TLR5: variants seen among roughly 807,000 people sequenced by gnomAD.
TLR5 encodes toll like receptor 5.
For missense variants in TLR5, 944 were observed against 999.8 expected, an observed-to-expected ratio of 0.94 and a Z score of 0.75; for synonymous variants, 373 against 384.4, an observed-to-expected ratio of 0.97 and a Z score of 0.35.
intron 5 of TLR5, among the ~76,000 whole-genome samples, chr1:223,124,969 T>C (rs1377887816): frequency 2.0e-5 from 3 of 152,126 alleles, no homozygotes; most frequent in African/African-American, 7.2e-5. Flanking sequence ...CAGCAACAGA[T>C]GTGGGTGCAT....
intron 3 of TLR5, among the ~76,000 whole-genome samples, chr1:223,136,913 C>A (rs1199847245): frequency 2.0e-5 from 3 of 152,054 alleles, no homozygotes; most frequent in Non-Finnish European, 4.4e-5. Flanking sequence ...ACCTTGAACT[C>A]CCCCGGCTCA....
At chr1:223,140,443 A>C (rs1387794510) in intron 2 of TLR5, among the ~76,000 whole-genome samples, 1 of 151,318 alleles carries the variant, frequency 6.6e-6, no homozygotes, top group Non-Finnish European at 1.5e-5. Context: ...GCTACTTGGG[A>C]GGCTGAGGCA....
At chr1:223,125,346 A>C (rs948877107) in intron 5 of TLR5, among the ~76,000 whole-genome samples, 1 of 152,206 alleles carries the variant, frequency 6.6e-6, no homozygotes. Context: ...TGCAAGGCTG[A>C]GTATGGAGAA....
At chr1:223,113,766 T>G (rs1656491124) in intron 5 of TLR5, among the ~76,000 whole-genome samples, 1 of 152,196 alleles carries the variant, frequency 6.6e-6, no homozygotes, top group African/African-American at 2.4e-5. Context: ...TGCCTTCACT[T>G]AATCCTTATA....
rs1199759341 is a variant in TLR5, at chr1:223,131,750, T to C, written c.-5+725A>G. Reference sequence around the variant, plus strand: ...AGCTAATTTTTGTTGTTGTTGTTGTTGTTTTTGTTTTGTAGAGACAGGGTT... The same window carrying C: ...AGCTAATTTTTGTTGTTGTTGTTGTCGTTTTTGTTTTGTAGAGACAGGGTT... On this transcript the variant is annotated intron_variant, in intron 5 of 5. Coordinates refer to ENST00000642603, the MANE Select transcript of TLR5 (RefSeq NM_003268.6). The surrounding 1 kb of genome is among the most constrained non-coding windows in gnomAD (Gnocchi z 4.2). Among the ~76,000 whole-genome samples, 1 of 151,984 alleles carries C rather than the reference T, an allele frequency of 6.6e-6. No individual in the cohort carries two copies. The highest frequency in any genetic ancestry group is 1.5e-5 in the Non-Finnish European group (1 of 67,994).
At chr1:223,117,142 C>A (rs1243360525) in intron 5 of TLR5, among the ~76,000 whole-genome samples, 2 of 152,232 alleles carry the variant, frequency 1.3e-5, no homozygotes, top group South Asian at 4.1e-4. Context: ...TCGAGTGTGG[C>A]GCCGGCGGGG....
chr1:223,124,896 A>G (rs1259911373), intron 5 of TLR5, among the ~76,000 whole-genome samples: 1 of 151,960 alleles, frequency 6.6e-6, no homozygotes, highest in African/African-American at 2.4e-5. Context: ...GAGCCACCGC[A>G]CTCCGCCAGT....
chr1:223,129,036 C>T (rs1370619861), intron 5 of TLR5: 1 of 152,286 alleles, frequency 6.6e-6, no homozygotes, highest in Admixed American at 6.5e-5. Context: ...TTCTCTGCAC[C>T]ATTCCCTGAA....
chr1:223,112,319 C>T lies in TLR5; in HGVS notation c.713G>A (p.Trp238Ter). The change falls in exon 6 of 6, where the codon TGG (tryptophan) becomes TAG (stop). Residue 238 changes from tryptophan to a stop codon, truncating the protein, a stop_gained. Coordinates refer to ENST00000642603, the MANE Select transcript of TLR5 (RefSeq NM_003268.6). LOFTEE classifies it low-confidence loss of function (END_TRUNC). The stretch of plus-strand genomic sequence containing the variant: ...AAAGTTTCCTGTGATGTCCACTGTC[C>T]AGCCATTTCCAGAAACATCTAGTAT... ...LEILDVSGNG[W>*]TVDITGNFSN... 1.9e-6 allele frequency: 3 copies of T among 1,614,202 alleles called. No individual in the cohort carries two copies. Among genetic ancestry groups the T allele is most frequent in the Non-Finnish European group, 2.5e-6 (3 of 1,180,038 alleles).
intron 5 of TLR5, among the ~76,000 whole-genome samples, chr1:223,125,429 G>T (rs1284566366): frequency 6.6e-6 from 1 of 152,130 alleles, no homozygotes; most frequent in Non-Finnish European, 1.5e-5. Flanking sequence ...CAGGGACTTG[G>T]GCAGAGTGTG....
intron 5 of TLR5, among the ~76,000 whole-genome samples, chr1:223,119,805 C>CA (rs1656854579): frequency 1.3e-5 from 2 of 150,974 alleles, no homozygotes; most frequent in African/African-American, 4.9e-5. Flanking sequence ...ACTAAAAATA[C>CA]AAAAAATTAG....
chr1:223,114,297 C>G (rs1656516893), intron 5 of TLR5, among the ~76,000 whole-genome samples: 1 of 152,170 alleles, frequency 6.6e-6, no homozygotes, highest in South Asian at 2.1e-4. Context: ...AGAAAACACA[C>G]AAGGACCCCA....
At position 223,131,038 on chromosome 1, in the gene TLR5, C is replaced by T. The variant is rs1205929513; in HGVS notation, c.-5+1437G>A. ...CAGCCACTGCTTGGCTGCAAGGCTCCACTGCCTCCCCTCTAGATATGGGAG... is the reference window on the plus strand; with the variant it reads ...CAGCCACTGCTTGGCTGCAAGGCTCTACTGCCTCCCCTCTAGATATGGGAG... On this transcript the variant is annotated intron_variant, in intron 5 of 5. Coordinates refer to ENST00000642603, the MANE Select transcript of TLR5 (RefSeq NM_003268.6). This position sits in a 1 kb window ranked among gnomAD's most constrained non-coding sequence, Gnocchi z 4.2. Among the ~76,000 whole-genome samples the T allele has an allele frequency of 9.2e-5, 14 of 152,176 alleles. No individual in the cohort carries two copies.
Position 223,112,564 on chromosome 1 carries a change from C to A in TLR5, c.468G>T (p.Gln156His), listed in dbSNP as rs1199199590. Reference sequence around the variant, plus strand: ...AAGGATGAAGGTAAAGGCTACGAATCTGATTTTTGGATAGATCCAAGCGAG... The same window carrying A: ...AAGGATGAAGGTAAAGGCTACGAATATGATTTTTGGATAGATCCAAGCGAG... The part of the protein sequence containing the change: ...ALTRLDLSKN[Q>H]IRSLYLHPSF... Residue 156 changes from glutamine (Q) to histidine (H), a missense_variant, in exon 6 of 6, where the codon CAG becomes CAT. By Grantham distance (24) the Gln-to-His change is conservative. Transcript: ENST00000642603. 6.2e-7 allele frequency: 1 copy of A among 1,614,204 alleles called. No homozygotes were observed. The highest frequency in any genetic ancestry group is 1.1e-5 in the South Asian group (1 of 91,078).
intron 5 of TLR5, chr1:223,127,416 A>G (rs539468042): frequency 6.6e-6 from 1 of 152,340 alleles, no homozygotes; most frequent in East Asian, 1.9e-4. Flanking sequence ...AAAAGTAGGT[A>G]CAGCATGTGG....
chr1:223,133,193 T>A (rs1190742866), intron 4 of TLR5, among the ~76,000 whole-genome samples: 1 of 152,184 alleles, frequency 6.6e-6, no homozygotes, highest in African/African-American at 2.4e-5. Context: ...TGGCTTATAG[T>A]GCTTTTCATT....
intron 5 of TLR5, among the ~76,000 whole-genome samples, chr1:223,116,529 C>T (rs1053938758): frequency 2.0e-5 from 3 of 152,246 alleles, no homozygotes; most frequent in African/African-American, 7.2e-5. Context: ...ACCCAAAGAG[C>T]GAGCGGCAGC....
intron 2 of TLR5, among the ~76,000 whole-genome samples, chr1:223,140,274 T>A (rs5744118): frequency 2.6e-5 from 4 of 152,198 alleles, no homozygotes; most frequent in South Asian, 4.1e-4. Context: ...AGGCTGGGTG[T>A]GGTGGCTCAC....
intron 1 of TLR5, 55 bp from the exon 2 acceptor site, chr1:223,141,818 T>G (rs201268282): frequency 0.11 from 4,773 of 42,330 alleles, 107 homozygotes; most frequent in African/African-American, 0.15. Flanking sequence ...TATATATATA[T>G]ATATAGAGAG....
Sources: allele counts gnomAD v4.1 joint callset (sites outside exome capture counted in the v4.1 genomes callset), GRCh38; gene constraint gnomAD v4.1.1; non-coding constraint Gnocchi (gnomAD v3.1); transcripts MANE v1.5; gene names NCBI Gene and HGNC (gene_info 2026-07-23, HGNC 2026-07-21).